PROX2: variants seen among roughly 807,000 people sequenced by gnomAD.
PROX2 encodes prospero homeobox protein 2.
Under a neutral mutation model 48.9 loss-of-function variants are expected in PROX2, and 46 were observed. The ratio of observed to expected loss-of-function variants is 0.94; its 90% CI spans 0.74 to 1.20. The LOEUF (loss-of-function observed/expected upper bound fraction) is 1.20, where lower values mean the gene tolerates loss of function less well. Among genes scored for constraint, PROX2 ranks in the 50% most tolerant of loss-of-function variants. The probability of loss-of-function intolerance (pLI) is 0.00; values close to 1 mark genes in which losing one functional copy is unlikely to be tolerated. For synonymous variants in PROX2, 260 were observed against 276.6 expected (o/e 0.94, Z 0.60); for missense variants, 663 against 719.4 (o/e 0.92, Z 0.90).
Position 74,863,006 on chromosome 14 carries a change from C to T in PROX2, c.829G>A (p.Gly277Arg), listed in dbSNP as rs532131907. The T allele has an allele frequency of 9.3e-6, 15 of 1,613,878 alleles. No individual in the cohort carries two copies. The highest frequency in any genetic ancestry group is 1.3e-5 in the Non-Finnish European group (15 of 1,179,886). ...GRSEPSPPVG[G>R]ACKDPLALAA... The stretch of plus-strand genomic sequence containing the variant: ...AAAGCAAGTGGATCTTTACAGGCCC[C>T]TCCCACAGGAGGTGAGGGCTCGCTT... The change falls in exon 3 of 6, where the codon GGG becomes AGG. Residue 277 changes from glycine to arginine, a missense_variant. Gly to Arg is a moderately radical substitution (Grantham distance 125, BLOSUM62 -2). Coordinates refer to ENST00000556489, the MANE Select transcript of PROX2 (RefSeq NM_001243007.2).
At chr14:74,861,198 C>A in intron 3 of PROX2, 1 of 1,352,222 alleles carries the variant, frequency 7.4e-7, no homozygotes, top group Non-Finnish European at 9.8e-7. Context: ...GCAAAGGACA[C>A]GACTGTTCCC....
rs370937410 is a variant in PROX2, at chr14:74,862,912, C to T, written c.923G>A (p.Arg308His). The change falls in exon 3 of 6, where the codon CGT (arginine) becomes CAT (histidine). Residue 308 changes from arginine to histidine, a missense_variant. Arg to His is a conservative substitution (Grantham distance 29, BLOSUM62 0). Transcript: ENST00000556489. ...GATAGGGTACCTAGGAGAATCTAGACGCTTGGCCAGTGATAAATTTCCTAC... is the reference window on the plus strand; with the variant it reads ...GATAGGGTACCTAGGAGAATCTAGATGCTTGGCCAGTGATAAATTTCCTAC... Reference protein sequence around the residue: ...VPVGNLSLAKRLDSPRYPIPP... With the variant: ...VPVGNLSLAKHLDSPRYPIPP... The T allele has an allele frequency of 3.0e-5, 49 of 1,613,872 alleles. No individual in the cohort carries two copies. The Admixed American group carries it at 5.0e-4, about 16-fold the overall frequency.
intron 3 of PROX2, among the ~76,000 whole-genome samples, chr14:74,862,163 C>CA (rs2091798986): frequency 6.6e-6 from 1 of 152,188 alleles, no homozygotes; most frequent in Non-Finnish European, 1.5e-5. Flanking sequence ...AGCTCCTCTT[C>CA]AACTTTTAGT....
chr14:74,863,469 G>A lies in PROX2; in HGVS notation c.366C>T (p.Asp122=), dbSNP rs768877818. The A allele has an allele frequency of 8.7e-6, 14 of 1,613,584 alleles. No homozygotes were observed. The highest frequency in any genetic ancestry group is 1.6e-4 in the Middle Eastern group (1 of 6,082). The change falls in exon 3 of 6, where the codon GAC becomes GAT. Residue 122 remains aspartate (D), a synonymous_variant. Transcript: ENST00000556489. ...QGLLMPAPAW[D]QGNRKGGPRV... is the part of the protein sequence containing the mutation. ...GAGGGCCCCCCTTCCTGTTGCCCTG[G>A]TCCCAGGCAGGGGCTGGCATCAGGA...
chr14:74,859,640 G>A (rs536899395), intron 3 of PROX2, among the ~76,000 whole-genome samples: 5 of 152,328 alleles, frequency 3.3e-5, no homozygotes, highest in Non-Finnish European at 5.9e-5. Flanking sequence ...CAGTCCTTAG[G>A]CTGGGTGAGA....
intron 2 of PROX2, among the ~76,000 whole-genome samples, chr14:74,868,314 TA>T (rs1362249791): frequency 0.015 from 26 of 1,782 alleles, 1 homozygote; most frequent in Admixed American, 0.022. Context: ...TTCTCGTAAT[TA>T]TATATATATA....
rs1249864738 is a variant in PROX2 at position 74,857,036 on chromosome 14, GA to G, written c.1414-42del. On this transcript the variant is annotated intron_variant, in intron 4 of 5. Transcript: ENST00000556489. ...GTCCATCCAGTCAGACATTTGCCACGAGGTGCTCAGAATTAGAACTGTCTGC... is the reference window on the plus strand; with the variant it reads ...GTCCATCCAGTCAGACATTTGCCACGGGTGCTCAGAATTAGAACTGTCTGC... 3.2e-6 allele frequency: 5 copies of G among 1,553,702 alleles called. No homozygotes were observed. The Admixed American group carries it at 8.4e-5, about 26-fold the overall frequency.
intron 1 of PROX2, chr14:74,873,713 G>A: frequency 2.2e-6 from 1 of 455,548 alleles, no homozygotes; most frequent in East Asian, 5.8e-5. Context: ...AGGAACTAGA[G>A]AGTCACCTGC....
At chr14:74,870,247 C>T (rs533514668) in intron 2 of PROX2, among the ~76,000 whole-genome samples, 57 of 142,444 alleles carry the variant, frequency 4.0e-4, no homozygotes, top group African/African-American at 1.4e-3. Flanking sequence ...GGCAACATGG[C>T]GAAACCCTGT....
Position 74,862,941 on chromosome 14 carries a change from G to A in PROX2, c.894C>T (p.Val298=), listed in dbSNP as rs780456892. Residue 298 remains valine (V), a synonymous_variant, in exon 3 of 6, where the codon GTC becomes GTT. Coordinates refer to ENST00000556489, the MANE Select transcript of PROX2 (RefSeq NM_001243007.2). ...TGGCCAGTGATAAATTTCCTACTGG[G>A]ACCCCAGCTTGTAGCTGGACCCTCC... ...LPRRVQLQAG[V]PVGNLSLAKR... is the part of the protein sequence containing the mutation. 20 of 1,613,780 alleles carry A rather than the reference G, an allele frequency of 1.2e-5. No homozygotes were observed. In the African/African-American group the frequency reaches 2.3e-4, roughly 18 times the overall value.
At chr14:74,875,016 A>G (rs973353784) in intron 1 of PROX2, among the ~76,000 whole-genome samples, 14 of 152,026 alleles carry the variant, frequency 9.2e-5, no homozygotes, top group African/African-American at 3.4e-4. Context: ...GTGGTGGTGC[A>G]TGCCTGTAAT....
At position 74,854,397 on chromosome 14, in the gene PROX2, G is replaced by A; in HGVS notation, c.*735C>T. 1 of 301,038 alleles carries A rather than the reference G, an allele frequency of 3.3e-6. No homozygotes were observed. The highest frequency in any genetic ancestry group is 6.7e-6 in the Non-Finnish European group (1 of 149,730). 18.6% of individuals were successfully genotyped at this position (301,038 alleles called of 1,614,324 possible). ...CAGGTGACGGTGCCCTGTCAGCGCT[G>A]GATGCTTACTAGGGGTGGGGTCCTG... is the stretch of plus-strand genomic sequence containing the variant. On this transcript the variant is annotated 3_prime_UTR_variant, in exon 6 of 6. Coordinates refer to ENST00000556489, the MANE Select transcript of PROX2 (RefSeq NM_001243007.2).
At position 74,860,108 on chromosome 14, in the gene PROX2, G is replaced by A. The variant is rs559477239; in HGVS notation, c.1306-1594C>T. On this transcript the variant is annotated intron_variant, in intron 3 of 5. Coordinates refer to ENST00000556489, the MANE Select transcript of PROX2 (RefSeq NM_001243007.2). The stretch of plus-strand genomic sequence containing the variant: ...CTCTGTCTCTGCTTCTCGGATACCC[G>A]ATCTTAGAGTGGATGCTTGAGAACG... 5.3e-5 allele frequency among the ~76,000 whole-genome samples: 8 copies of A among 152,320 alleles called. No homozygotes were observed. In the South Asian group the frequency reaches 1.0e-3, roughly 20 times the overall value.
chr14:74,860,628 A>G (rs530401309), intron 3 of PROX2, among the ~76,000 whole-genome samples: 2 of 152,308 alleles, frequency 1.3e-5, no homozygotes, highest in Admixed American at 1.3e-4. Flanking sequence ...GGTGGCTTTC[A>G]TGGCCCACAG....
rs189166294 is a variant in PROX2 at position 74,871,232 on chromosome 14, C to G, written c.-304G>C. 1.8e-4 allele frequency: 27 copies of G among 150,970 alleles called. No homozygotes were observed. The East Asian group carries it at 5.0e-3, about 28-fold the overall frequency. 9.4% of individuals were successfully genotyped at this position (150,970 alleles called of 1,614,324 possible). On this transcript the variant is annotated 5_prime_UTR_variant, in exon 2 of 6. Transcript: ENST00000556489. ...CCAGCCTGGGCAACAAAGTAAGACC[C>G]TGTCTCTAAAAACATAAAGTAAAAT...
chr14:74,868,638 T>C (rs1373013151), intron 2 of PROX2, among the ~76,000 whole-genome samples: 1 of 151,130 alleles, frequency 6.6e-6, no homozygotes, highest in Admixed American at 6.6e-5. Flanking sequence ...ATCGAGACCA[T>C]CCTGGCTAAC....
intron 3 of PROX2, chr14:74,859,466 T>A (rs2091778525): frequency 6.6e-6 from 1 of 152,180 alleles, no homozygotes; most frequent in East Asian, 1.9e-4. Flanking sequence ...CCTTAATCCA[T>A]ACACATATAT....
intron 2 of PROX2, among the ~76,000 whole-genome samples, chr14:74,867,496 T>C (rs4553560): frequency 0.65 from 98,212 of 152,102 alleles, 33,693 homozygotes; most frequent in African/African-American, 0.9. Context: ...CTCTTTGTGT[T>C]CCCAAGTAGT....
At chr14:74,866,256 T>C (rs1198459961) in intron 2 of PROX2, among the ~76,000 whole-genome samples, 3 of 151,980 alleles carry the variant, frequency 2.0e-5, no homozygotes, top group Non-Finnish European at 2.9e-5. Context: ...AGACTCCGTC[T>C]CGAAAAACAA....
Sources: allele counts gnomAD v4.1 joint callset (sites outside exome capture counted in the v4.1 genomes callset), GRCh38; gene constraint gnomAD v4.1.1; transcripts MANE v1.5; gene names NCBI Gene and HGNC (gene_info 2026-07-23, HGNC 2026-07-21).